Variants in CAPN14 observed in about 807,000 individuals in gnomAD.
CAPN14 encodes the protein calpain-14.
CAPN14 carries 94 observed loss-of-function variants against 101.3 expected under a neutral mutation model. The ratio of observed to expected loss-of-function variants is 0.93; its 90% CI spans 0.79 to 1.10. The LOEUF (loss-of-function observed/expected upper bound fraction) is 1.10, where lower values mean the gene tolerates loss of function less well. CAPN14 is among the 50% of genes least tolerant of loss of function. The pLI, the probability that CAPN14 is intolerant of heterozygous loss-of-function variation, is 0.00. For synonymous variants in CAPN14, 338 were observed against 317.9 expected, an observed-to-expected ratio of 1.06 and a Z score of -0.67; for missense variants, 837 against 828.4, an observed-to-expected ratio of 1.01 and a Z score of -0.13.
In CAPN14 at chr2:31,202,162, TCA is replaced by T; in HGVS notation, c.384_385del (p.Lys130ValfsTer22). 6.4e-7 allele frequency: 1 copy of T among 1,551,882 alleles called. No homozygotes were observed. The highest frequency in any genetic ancestry group is 8.7e-7 in the Non-Finnish European group (1 of 1,147,026). On this transcript the variant is annotated frameshift_variant, in exon 4 of 22. Coordinates refer to ENST00000403897, the MANE Select transcript of CAPN14 (RefSeq NM_001145122.2). LOFTEE classifies it high-confidence loss of function. The stretch of plus-strand genomic sequence containing the variant: ...GAACCGGAAGATGCCAGCATACTTC[TCA>T]GTGAAACTCTGATTCAGGGGAACAA...
intron 7 of CAPN14, 38 bp from the exon 8 acceptor site, chr2:31,197,372 A>G (rs1041661569): frequency 1.2e-5 from 17 of 1,383,758 alleles, no homozygotes; most frequent in Middle Eastern, 1.8e-4. Context: ...GACTGGGCTG[A>G]GTGCAAACAT....
intron 2 of CAPN14, 24 bp downstream of exon 2, chr2:31,205,199 C>T (rs1287435850): frequency 6.5e-7 from 1 of 1,544,472 alleles, no homozygotes; most frequent in Admixed American, 2.0e-5. Context: ...GAAGGAGGGT[C>T]TGGGCTGACA....
At chr2:31,211,579 T>C (rs1682403446) in intron 1 of CAPN14, among the ~76,000 whole-genome samples, 1 of 152,030 alleles carries the variant, frequency 6.6e-6, no homozygotes, top group Non-Finnish European at 1.5e-5. Context: ...AAAATGATTT[T>C]AGATAAAATC....
intron 16 of CAPN14, among the ~76,000 whole-genome samples, chr2:31,184,653 T>C (rs1327691798): frequency 6.6e-6 from 1 of 152,232 alleles, no homozygotes; most frequent in Admixed American, 6.5e-5. Flanking sequence ...TTTGCGTCTA[T>C]TGATGCTTTT....
At chr2:31,223,674 G>A (rs1193453257) in intron 2 of CAPN14, among the ~76,000 whole-genome samples, 1 of 151,074 alleles carries the variant, frequency 6.6e-6, no homozygotes, top group Non-Finnish European at 1.5e-5. Context: ...GACTACAGAC[G>A]CCCACCACGA....
At chr2:31,220,893 G>A (rs1315779608), upstream of CAPN14, among the ~76,000 whole-genome samples, 1 of 152,150 alleles carries the variant, frequency 6.6e-6, no homozygotes, top group Non-Finnish European at 1.5e-5. Context: ...GAAGAGAAGG[G>A]CTTTGATTTG....
At chr2:31,190,585 C>T (rs1382631549) in intron 12 of CAPN14, among the ~76,000 whole-genome samples, 1 of 152,110 alleles carries the variant, frequency 6.6e-6, no homozygotes, top group Non-Finnish European at 1.5e-5. Context: ...AGCTGATTTG[C>T]AGGTTTCCTC....
chr2:31,193,170 T>C lies in CAPN14; in HGVS notation c.1075A>G (p.Lys359Glu), dbSNP rs1409454913. 1 of 1,551,356 alleles carries C rather than the reference T, an allele frequency of 6.4e-7. No individual in the cohort carries two copies. The highest frequency in any genetic ancestry group is 2.0e-5 in the Admixed American group (1 of 50,994). ...TYTMREGRWE[K>E]RSTAGGQRQL... ...CTCTGGCCACCAGCTGTGCTCCGCT[T>C]CTCCCATCTCCCCTCCCGCATGGTG... The change falls in exon 10 of 22, where the codon AAG becomes GAG. Residue 359 changes from lysine to glutamate, a missense_variant. Lys to Glu is a moderately conservative substitution (Grantham distance 56). Coordinates refer to ENST00000403897, the MANE Select transcript of CAPN14 (RefSeq NM_001145122.2).
chr2:31,226,353 C>A (rs951039682), intron 2 of CAPN14, among the ~76,000 whole-genome samples: 8 of 152,280 alleles, frequency 5.3e-5, no homozygotes, highest in African/African-American at 1.4e-4. Flanking sequence ...TAATAATTGG[C>A]CAACTACAGG....
chr2:31,189,286 T>C lies in CAPN14; in HGVS notation c.1480A>G (p.Lys494Glu). The change falls in exon 13 of 22, where the codon AAG becomes GAG. Residue 494 changes from lysine to glutamate, a missense_variant. Coordinates refer to ENST00000403897, the MANE Select transcript of CAPN14 (RefSeq NM_001145122.2). ...SEFVLRVFSR[K>E]HIFYEIGSNS... ...TTGTGTCCTTACTAAAAGATGTGCT[T>C]CCTGGAGAAGACCCTGAGGACGAAC... is the stretch of plus-strand genomic sequence containing the variant. 1.3e-6 allele frequency: 2 copies of C among 1,551,196 alleles called. No individual in the cohort carries two copies. The highest frequency in any genetic ancestry group is 2.4e-5 in the East Asian group (1 of 40,918).
chr2:31,196,738 C>G (rs905729379), intron 8 of CAPN14, among the ~76,000 whole-genome samples: 1 of 152,140 alleles, frequency 6.6e-6, no homozygotes, highest in African/African-American at 2.4e-5. Context: ...ATGTAGGCAC[C>G]TAATCAGAAT....
intron 8 of CAPN14, among the ~76,000 whole-genome samples, chr2:31,197,006 A>T (rs1681500249): frequency 6.6e-6 from 1 of 152,220 alleles, no homozygotes; most frequent in African/African-American, 2.4e-5. Flanking sequence ...AAAATTCAAA[A>T]GGTTTAGCAC....
intron 4 of CAPN14, 41 bp downstream of exon 4, chr2:31,202,093 C>T: frequency 6.5e-7 from 1 of 1,550,018 alleles, no homozygotes; most frequent in African/African-American, 1.4e-5. Context: ...ACCCTTTTTC[C>T]TATGACTCCC....
intron 21 of CAPN14, 84 bp downstream of exon 21, chr2:31,176,503 C>T (rs2148669552): frequency 9.9e-7 from 1 of 1,007,552 alleles, no homozygotes; most frequent in Non-Finnish European, 1.5e-6. Context: ...GTCCCCAGAG[C>T]CCTTCTCCTT....
At chr2:31,197,121 C>A (rs937196870) in intron 8 of CAPN14, 128 bp downstream of exon 8, 1 of 615,132 alleles carries the variant, frequency 1.6e-6, no homozygotes. Flanking sequence ...GATTGAGCTT[C>A]CCCGTCTAAA....
In CAPN14 at chr2:31,197,262, C is replaced by A; in HGVS notation, c.862G>T (p.Asp288Tyr). ...NPWGKVEWKG[D>Y]WSDSSSKWEL... ...CCCAAAGTTCACCTGTCACTCCAGT[C>A]TCCTTTCCATTCCACCTTTCCCCAG... is the stretch of plus-strand genomic sequence containing the variant. The change falls in exon 8 of 22, where the codon GAC (aspartate) becomes TAC (tyrosine). Residue 288 changes from aspartate to tyrosine, a missense_variant. Asp to Tyr is a radical substitution (Grantham distance 160). Transcript: ENST00000403897. 6.4e-7 allele frequency: 1 copy of A among 1,550,998 alleles called. No homozygotes were observed. The highest frequency in any genetic ancestry group is 1.2e-5 in the South Asian group (1 of 84,024).
intron 2 of CAPN14, among the ~76,000 whole-genome samples, 181 bp from the exon 3 acceptor site, chr2:31,203,320 T>C (rs1023671041): frequency 1.3e-5 from 2 of 152,174 alleles, no homozygotes; most frequent in Non-Finnish European, 2.9e-5. Context: ...GTATTTCTCA[T>C]TCCTTCTTAT....
chr2:31,231,799 G>A (rs600980), intron 1 of CAPN14, among the ~76,000 whole-genome samples: 24,526 of 152,128 alleles, frequency 0.16, 2,748 homozygotes, highest in African/African-American at 0.32. Flanking sequence ...AGGTCCAGAC[G>A]CCACTGTATT....
chr2:31,189,304 G>C lies in CAPN14; in HGVS notation c.1462C>G (p.Leu488Val), dbSNP rs1681059183. Residue 488 changes from leucine (L) to valine (V), a missense_variant, in exon 13 of 22, where the codon CTC becomes GTC. Coordinates refer to ENST00000403897, the MANE Select transcript of CAPN14 (RefSeq NM_001145122.2). Reference sequence around the variant, plus strand: ...ATGTGCTTCCTGGAGAAGACCCTGAGGACGAACTCTGACTTCTGGTGGGCC... The same window carrying C: ...ATGTGCTTCCTGGAGAAGACCCTGACGACGAACTCTGACTTCTGGTGGGCC... ...LEAHQKSEFV[L>V]RVFSRKHIFY... The C allele has an allele frequency of 2.6e-6, 4 of 1,551,576 alleles. No individual in the cohort carries two copies. The highest frequency in any genetic ancestry group is 3.5e-6 in the Non-Finnish European group (4 of 1,146,990).
Sources: gnomAD v4.1 joint callset for allele counts (sites outside exome capture counted in the v4.1 genomes callset) on GRCh38, gnomAD v4.1.1 for gene constraint, MANE v1.5 for transcripts, NCBI Gene and HGNC (gene_info 2026-07-23, HGNC 2026-07-21) for gene names.